The following ADAM32 variants were observed in gnomAD, a reference collection of about 807,000 sequenced individuals.
The protein encoded by ADAM32 is disintegrin and metalloproteinase domain-containing protein 32.
ADAM32 carries 89 observed loss-of-function variants against 114.9 expected under a neutral mutation model. That is an observed-to-expected ratio of 0.77 (90% confidence interval 0.65 to 0.92). ADAM32 has a LOEUF of 0.92. Ranked by LOEUF, ADAM32 falls within the 40% of genes least tolerant of loss-of-function variation. The pLI is 0.00. For missense variants in ADAM32, 870 were observed against 932.8 expected (o/e 0.93, Z 0.88); for synonymous variants, 285 against 307.5 (o/e 0.93, Z 0.77).
intron 1 of ADAM32, among the ~76,000 whole-genome samples, chr8:39,109,988 A>T (rs1344655389): frequency 7.2e-6 from 1 of 139,274 alleles, no homozygotes; most frequent in African/African-American, 2.5e-5. Context: ...ATATGTAGCC[A>T]TTTTGGATGG....
rs1262680974 is a variant in ADAM32, at chr8:39,114,553, T to C, written c.59-3533T>C. 3.9e-5 allele frequency among the ~76,000 whole-genome samples: 6 copies of C among 152,344 alleles called. No homozygotes were observed. The East Asian group carries it at 9.6e-4, about 24-fold the overall frequency. ...AGTTAGATACTACCAAGGATCTCTG[T>C]AGGTGAAAGCATTTTGTTTTTCACT... On this transcript the variant is annotated intron_variant, in intron 1 of 24. Coordinates refer to ENST00000379907, the MANE Select transcript of ADAM32 (RefSeq NM_145004.7).
chr8:39,233,277 C>A (rs761330222), intron 15 of ADAM32, among the ~76,000 whole-genome samples: 1 of 152,184 alleles, frequency 6.6e-6, no homozygotes, highest in South Asian at 2.1e-4. Context: ...ATATGCCAAG[C>A]AAGAGGTGTC....
At chr8:39,159,407 C>T (rs1186543208) in intron 6 of ADAM32, among the ~76,000 whole-genome samples, 1 of 152,180 alleles carries the variant, frequency 6.6e-6, no homozygotes, top group Non-Finnish European at 1.5e-5. Context: ...TTGACTCTTG[C>T]TTGTACAATG....
At chr8:39,121,894 G>T (rs1002088625) in intron 2 of ADAM32, among the ~76,000 whole-genome samples, 1 of 152,226 alleles carries the variant, frequency 6.6e-6, no homozygotes, top group African/African-American at 2.4e-5. Context: ...TCCTGTCAAA[G>T]AAGAGTATTC....
chr8:39,209,650 T>C (rs1238487087), intron 11 of ADAM32, among the ~76,000 whole-genome samples: 8 of 152,200 alleles, frequency 5.3e-5, no homozygotes, highest in Admixed American at 6.5e-5. Context: ...TACTGACTGA[T>C]GAGTTAAGAC....
At chr8:39,172,668 T>G (rs962600687) in intron 10 of ADAM32, among the ~76,000 whole-genome samples, 5 of 152,232 alleles carry the variant, frequency 3.3e-5, no homozygotes, top group Non-Finnish European at 5.9e-5. Flanking sequence ...TTTTTTCGAC[T>G]GCATACATAG....
chr8:39,273,570 A>T (rs1486183913), intron 20 of ADAM32, among the ~76,000 whole-genome samples: 1 of 152,122 alleles, frequency 6.6e-6, no homozygotes, highest in Non-Finnish European at 1.5e-5. Context: ...GATAGTAAAC[A>T]CATAAACCAA....
At chr8:39,243,461 G>C (rs1810696368) in intron 16 of ADAM32, among the ~76,000 whole-genome samples, 1 of 152,142 alleles carries the variant, frequency 6.6e-6, no homozygotes, top group African/African-American at 2.4e-5. Flanking sequence ...TCATACCAGA[G>C]ATGCAAGTTT....
intron 19 of ADAM32, among the ~76,000 whole-genome samples, chr8:39,268,095 C>G (rs1305804388): frequency 6.6e-6 from 1 of 152,174 alleles, no homozygotes; most frequent in East Asian, 1.9e-4. Flanking sequence ...TATATGCTTT[C>G]CTTCTCTTGG....
intron 9 of ADAM32, chr8:39,168,775 C>G (rs764551612): frequency 6.6e-6 from 1 of 152,026 alleles, no homozygotes; most frequent in Non-Finnish European, 1.5e-5. Flanking sequence ...CAAACACTGA[C>G]AAAGCAAGGT....
In ADAM32 at chr8:39,213,011, G is replaced by A. The variant is rs555263851; in HGVS notation, c.1233+1687G>A. 2.0e-3 allele frequency among the ~76,000 whole-genome samples: 310 copies of A among 152,060 alleles called. 8 individuals carry two copies. The highest frequency in any genetic ancestry group is 2.1e-3 in the Non-Finnish European group (141 of 67,946). On this transcript the variant is annotated intron_variant, in intron 12 of 24. Transcript: ENST00000379907. ...TGATGTTGAGCATGCTCTTACTGGC[G>A]ATTTTTTAAAAACAATTATTTTCAA...
intron 12 of ADAM32, among the ~76,000 whole-genome samples, chr8:39,219,116 C>G (rs1009408924): frequency 6.6e-6 from 1 of 152,086 alleles, no homozygotes; most frequent in Non-Finnish European, 1.5e-5. Flanking sequence ...CTTATTGTGG[C>G]TGATCTGGTA....
intron 2 of ADAM32, among the ~76,000 whole-genome samples, chr8:39,131,720 CTTCT>C (rs1564454534): frequency 6.6e-6 from 1 of 151,816 alleles, no homozygotes; most frequent in African/African-American, 2.4e-5. Flanking sequence ...GTGAAACGTC[CTTCT>C]TTCTTTCTGA....
rs534362398 is a variant in ADAM32, at chr8:39,114,702, GTTTTA to G, written c.59-3374_59-3370del. On this transcript the variant is annotated intron_variant, in intron 1 of 24. Coordinates refer to ENST00000379907, the MANE Select transcript of ADAM32 (RefSeq NM_145004.7). The stretch of plus-strand genomic sequence containing the variant: ...TCATGTTTAAAAATTTTTTTCATAA[GTTTTA>G]TTTTATTTTTTCTTCCAACTTTAAT... Among the ~76,000 whole-genome samples the G allele has an allele frequency of 1.7e-3, 254 of 152,244 alleles. 1 individual carries two copies. The highest frequency in any genetic ancestry group is 5.7e-3 in the African/African-American group (237 of 41,568).
chr8:39,225,543 G>A (rs1371713559), intron 14 of ADAM32, among the ~76,000 whole-genome samples: 1 of 152,160 alleles, frequency 6.6e-6, no homozygotes, highest in Non-Finnish European at 1.5e-5. Context: ...ATTGCCCGGG[G>A]CCATGACCTC....
Position 39,160,889 on chromosome 8 carries a change from T to C in ADAM32, c.526-8T>C, listed in dbSNP as rs751934244. On this transcript the variant is annotated splice_region_variant and splice_polypyrimidine_tract_variant and intron_variant, in intron 6 of 24. Transcript: ENST00000379907. ...TCATGTATTATATGCTGTTTTCCTT[T>C]TTTCTAGTCAGAACCAGCTGTTCCA... 1.1e-5 allele frequency: 17 copies of C among 1,578,440 alleles called. No individual in the cohort carries two copies. The Admixed American group carries it at 1.5e-4, about 14-fold the overall frequency.
chr8:39,176,714 G>C (rs1173098798), intron 10 of ADAM32, among the ~76,000 whole-genome samples: 2 of 152,170 alleles, frequency 1.3e-5, no homozygotes, highest in Non-Finnish European at 2.9e-5. Flanking sequence ...ACTTGATCCA[G>C]AGCTGAGTTC....
intron 2 of ADAM32, among the ~76,000 whole-genome samples, chr8:39,127,965 A>C (rs1164160098): frequency 1.3e-5 from 2 of 152,138 alleles, no homozygotes; most frequent in African/African-American, 4.8e-5. Context: ...CAGGTTGTTC[A>C]ATGTCCATGT....
At chr8:39,247,894 T>A (rs1174906529) in intron 17 of ADAM32, among the ~76,000 whole-genome samples, 1 of 150,146 alleles carries the variant, frequency 6.7e-6, no homozygotes, top group Non-Finnish European at 1.5e-5. Context: ...GTGTCTAGAT[T>A]CTTTTTTTTT....
Sources: allele counts gnomAD v4.1 joint callset (sites outside exome capture counted in the v4.1 genomes callset), GRCh38; gene constraint gnomAD v4.1.1; transcripts MANE v1.5; gene names NCBI Gene and HGNC (gene_info 2026-07-23, HGNC 2026-07-21).